The following CNTLN variants were observed in gnomAD, a reference collection of about 807,000 sequenced individuals.
The protein encoded by CNTLN is centlein, also known as centlein, centrosomal protein.
Under a neutral mutation model 180.0 loss-of-function variants are expected in CNTLN, and 212 were observed. The ratio of observed to expected loss-of-function variants is 1.18; its 90% CI spans 1.05 to 1.32. The LOEUF (loss-of-function observed/expected upper bound fraction) is 1.32. CNTLN is among the 40% of genes most tolerant of loss of function. The pLI is 0.00. For synonymous variants in CNTLN, 722 were observed against 563.1 expected (o/e 1.28, Z -3.99); for missense variants, 2,095 against 1,610.9 (o/e 1.30, Z -5.14).
chr9:17,483,063 G>A lies in CNTLN; in HGVS notation c.3856-1232G>A, dbSNP rs528173636. Among the ~76,000 whole-genome samples, 8 of 152,022 alleles carry A rather than the reference G, an allele frequency of 5.3e-5. No individual in the cohort carries two copies. The East Asian group carries it at 1.5e-3, about 29-fold the overall frequency. On this transcript the variant is annotated intron_variant, in intron 23 of 25. Coordinates refer to ENST00000380647, the MANE Select transcript of CNTLN (RefSeq NM_017738.4). ...TACAAAATTAAAAATATTTTTCTGT[G>A]ACATCAAACAGTACTGTCAAAAGAA...
At chr9:17,435,612 G>T (rs2134007551) in intron 18 of CNTLN, among the ~76,000 whole-genome samples, 1 of 150,774 alleles carries the variant, frequency 6.6e-6, no homozygotes, top group South Asian at 2.1e-4. Context: ...CTAGGATGGA[G>T]TGCAGTGGCG....
intron 18 of CNTLN, among the ~76,000 whole-genome samples, chr9:17,451,147 G>A (rs182619275): frequency 8.8e-4 from 134 of 152,156 alleles, no homozygotes; most frequent in Non-Finnish European, 1.1e-3. Flanking sequence ...ATAAAAGAAC[G>A]TTGATTCTAT....
intron 8 of CNTLN, among the ~76,000 whole-genome samples, chr9:17,322,005 G>C (rs1363308405): frequency 6.6e-6 from 1 of 151,968 alleles, no homozygotes; most frequent in Non-Finnish European, 1.5e-5. Context: ...TTAGTTTCGA[G>C]TTTATATGTG....
At chr9:17,428,552 C>T (rs1218921783) in intron 18 of CNTLN, among the ~76,000 whole-genome samples, 1 of 151,994 alleles carries the variant, frequency 6.6e-6, no homozygotes, top group African/African-American at 2.4e-5. Flanking sequence ...TTTTGTTTTT[C>T]AGTAGGTTAT....
chr9:17,392,616 C>A (rs575749527), intron 14 of CNTLN, among the ~76,000 whole-genome samples: 2 of 152,108 alleles, frequency 1.3e-5, no homozygotes, highest in Non-Finnish European at 2.9e-5. Flanking sequence ...TACCTTTATT[C>A]CAGGTCATGT....
intron 2 of CNTLN, among the ~76,000 whole-genome samples, chr9:17,187,476 AAAT>A (rs1189569644): frequency 6.6e-6 from 1 of 152,020 alleles, no homozygotes; most frequent in African/African-American, 2.4e-5. Flanking sequence ...AAATTTGAGA[AAAT>A]AATCATAGAC....
At chr9:17,262,891 C>G (rs1371716388) in intron 5 of CNTLN, among the ~76,000 whole-genome samples, 3 of 151,036 alleles carry the variant, frequency 2.0e-5, no homozygotes, top group African/African-American at 7.4e-5. Flanking sequence ...CCGTCAATAC[C>G]TAGTTTGTCG....
chr9:17,454,880 T>C (rs1361703895), intron 18 of CNTLN, among the ~76,000 whole-genome samples: 3 of 152,338 alleles, frequency 2.0e-5, no homozygotes, highest in Non-Finnish European at 1.5e-5. Flanking sequence ...GTGACTTAAA[T>C]GCTTATAAAT....
chr9:17,241,456 T>G (rs1825488026), intron 5 of CNTLN, among the ~76,000 whole-genome samples: 1 of 152,202 alleles, frequency 6.6e-6, no homozygotes, highest in African/African-American at 2.4e-5. Flanking sequence ...TTGGTTATTA[T>G]AGCTTTGTAA....
At chr9:17,477,474 C>T (rs1832414445) in intron 23 of CNTLN, among the ~76,000 whole-genome samples, 1 of 152,218 alleles carries the variant, frequency 6.6e-6, no homozygotes, top group South Asian at 2.1e-4. Flanking sequence ...ATTCACCATT[C>T]TAGATGCCAT....
At chr9:17,352,410 ATATATAT>A (rs1187977320) in intron 12 of CNTLN, among the ~76,000 whole-genome samples, 1 of 19,908 alleles carries the variant, frequency 5.0e-5, no homozygotes, top group African/African-American at 1.6e-4. Context: ...ATATATATAT[ATATATAT>A]TTTTTTTTTT....
In CNTLN at chr9:17,462,975, C is replaced by G. The variant is rs1212140481; in HGVS notation, c.3366C>G (p.Leu1122=). ...SSNVKTLKFE[L]LAKEEHIKEM... ...ATGTGAAGACTTTGAAATTTGAACT[C>G]CTAGCAAAAGAAGAACACATAAAGG... is the stretch of plus-strand genomic sequence containing the variant. Residue 1122 remains leucine, a synonymous_variant, in exon 20 of 26, where the codon CTC becomes CTG. Transcript: ENST00000380647. The G allele has an allele frequency of 3.2e-6, 5 of 1,585,218 alleles. No homozygotes were observed. In the African/African-American group the frequency reaches 5.5e-5, roughly 18 times the overall value.
intron 16 of CNTLN, 117 bp from the exon 17 acceptor site, chr9:17,415,671 T>TA (rs1828165414): frequency 3.0e-5 from 22 of 731,862 alleles, no homozygotes; most frequent in Non-Finnish European, 3.4e-5. Context: ...CCCACAGACT[T>TA]AAAAAAAATT....
intron 7 of CNTLN, chr9:17,301,615 C>G: frequency 1.0e-6 from 1 of 982,334 alleles, no homozygotes; most frequent in African/African-American, 1.7e-5. Context: ...GTACCTCCCA[C>G]TGTAATATTT....
At chr9:17,239,474 T>C (rs796524968) in intron 5 of CNTLN, among the ~76,000 whole-genome samples, 6 of 152,338 alleles carry the variant, frequency 3.9e-5, no homozygotes, top group African/African-American at 1.4e-4. Context: ...TTAGTTTCGA[T>C]AATATTTTAT....
At chr9:17,221,125 C>T (rs1473639336) in intron 2 of CNTLN, among the ~76,000 whole-genome samples, 1 of 152,002 alleles carries the variant, frequency 6.6e-6, no homozygotes, top group Non-Finnish European at 1.5e-5. Context: ...TGTTATTTTC[C>T]TCCTAATGTA....
At position 17,409,385 on chromosome 9, in the gene CNTLN, A is replaced by G. The variant is rs1414272883; in HGVS notation, c.2708A>G (p.Gln903Arg). The G allele has an allele frequency of 1.2e-6, 2 of 1,613,384 alleles. No individual in the cohort carries two copies. Among genetic ancestry groups the G allele is most frequent in the Non-Finnish European group, 8.5e-7 (1 of 1,179,606 alleles). ...AGTCCTACGGAAGATGGAAAAGACCAGAAAGAAAGTGATCCAACAGAAGAC... is the reference window on the plus strand; with the variant it reads ...AGTCCTACGGAAGATGGAAAAGACCGGAAAGAAAGTGATCCAACAGAAGAC... ...KISPTEDGKD[Q>R]KESDPTEDSQ... The change falls in exon 16 of 26, where the codon CAG becomes CGG. Residue 903 changes from glutamine to arginine, a missense_variant. Transcript: ENST00000380647.
chr9:17,421,089 G>A (rs1276538195), intron 18 of CNTLN, among the ~76,000 whole-genome samples: 1 of 152,102 alleles, frequency 6.6e-6, no homozygotes, highest in Non-Finnish European at 1.5e-5. Context: ...GGTTTATAAT[G>A]TAGATTAAGT....
intron 5 of CNTLN, among the ~76,000 whole-genome samples, chr9:17,271,806 G>A (rs1827966737): frequency 6.6e-6 from 1 of 152,046 alleles, no homozygotes; most frequent in African/African-American, 2.4e-5. Context: ...TACTTATCAA[G>A]CCACCATCAG....
Sources: allele counts gnomAD v4.1 joint callset (sites outside exome capture counted in the v4.1 genomes callset), GRCh38; gene constraint gnomAD v4.1.1; transcripts MANE v1.5; gene names NCBI Gene and HGNC (gene_info 2026-07-23, HGNC 2026-07-21).